Variants in ABCA12 observed in about 807,000 individuals in gnomAD.
ABCA12 encodes the protein ATP binding cassette subfamily A member 12, also known as glucosylceramide transporter ABCA12.
ABCA12 carries 156 observed loss-of-function variants against 293.5 expected under a neutral mutation model. That is an observed-to-expected ratio of 0.53 (90% CI 0.47 to 0.61). The LOEUF is 0.61. ABCA12 is among the 20% of genes least tolerant of loss of function. The pLI is 0.00. For synonymous variants in ABCA12, 1,063 were observed against 1,108.0 expected, an observed-to-expected ratio of 0.96 and a Z score of 0.81; for missense variants, 2,797 against 3,090.2, an observed-to-expected ratio of 0.91 and a Z score of 2.25.
At chr2:215,115,754 A>C (rs1456437615) in intron 1 of ABCA12, among the ~76,000 whole-genome samples, 2 of 152,172 alleles carry the variant, frequency 1.3e-5, no homozygotes, top group African/African-American at 4.8e-5. Flanking sequence ...TGAAAAATTC[A>C]ATCCAAAAGT....
intron 2 of ABCA12, among the ~76,000 whole-genome samples, chr2:215,072,913 G>T (rs1701764754): frequency 6.6e-6 from 1 of 152,162 alleles, no homozygotes; most frequent in Non-Finnish European, 1.5e-5. Flanking sequence ...TGGCCAACAT[G>T]GTGAAACCCT....
intron 1 of ABCA12, among the ~76,000 whole-genome samples, chr2:215,128,108 G>A (rs1702966600): frequency 6.6e-6 from 1 of 152,120 alleles, no homozygotes; most frequent in South Asian, 2.1e-4. Context: ...TATTTGATGA[G>A]GCTATAAAGA....
intron 1 of ABCA12, among the ~76,000 whole-genome samples, chr2:215,112,316 C>T (rs955913188): frequency 5.3e-5 from 8 of 150,310 alleles, no homozygotes; most frequent in African/African-American, 1.7e-4. Flanking sequence ...ATAGAACTTA[C>T]ACCGTTATAG....
Position 215,049,641 on chromosome 2 carries a change from G to C in ABCA12, c.678C>G (p.Asn226Lys). Residue 226 changes from asparagine to lysine, a missense_variant, in exon 6 of 53, where the codon AAC becomes AAG. Physicochemically the swap from Asn to Lys is moderately conservative, Grantham distance 94 (BLOSUM62 0). This residue lies in a region of ABCA12 where 656 missense variants were observed against 638.2 expected (regional missense o/e 1.03). Transcript: ENST00000272895. ...TLLESSLQEL[N>K]KQFSQLSSDP... ...CTACACTCACCTGGGAGAACTGTTT[G>C]TTTAGTTCTTGGAGAGAAGACTCTA... The C allele has an allele frequency of 6.2e-7, 1 of 1,613,270 alleles. No individual in the cohort carries two copies.
chr2:215,025,639 T>G, intron 11 of ABCA12, 34 bp downstream of exon 11: 1 of 1,344,148 alleles, frequency 7.4e-7, no homozygotes. Context: ...TTTTTTTTTT[T>G]GTTTTTTGTT....
intron 2 of ABCA12, among the ~76,000 whole-genome samples, chr2:215,064,474 C>T (rs1280669889): frequency 6.6e-6 from 1 of 151,970 alleles, no homozygotes; most frequent in African/African-American, 2.4e-5. Context: ...CCCATGAATT[C>T]CCTTCCTGGG....
chr2:215,041,186 T>C (rs1339273442), intron 7 of ABCA12, among the ~76,000 whole-genome samples: 1 of 152,212 alleles, frequency 6.6e-6, no homozygotes, highest in East Asian at 1.9e-4. Context: ...TATATACAAT[T>C]TTTGTCAGTT....
At position 214,983,744 on chromosome 2, in the gene ABCA12, A is replaced by G; in HGVS notation, c.4285T>C (p.Leu1429=). The part of the protein sequence containing the change: ...NMGVCMQHDV[L]FSYLTTKEHL... ...TCCTTAGTAGTGAGGTAACTGAACA[A>G]GACGTCGTGCTGCATACAGACTCCC... Residue 1429 remains leucine (L), a synonymous_variant, in exon 29 of 53, where the codon TTG becomes CTG. Coordinates refer to ENST00000272895, the MANE Select transcript of ABCA12 (RefSeq NM_173076.3). 6.2e-7 allele frequency: 1 copy of G among 1,614,116 alleles called. No homozygotes were observed. The highest frequency in any genetic ancestry group is 8.5e-7 in the Non-Finnish European group (1 of 1,179,988).
chr2:214,992,461 T>C (rs909612877), intron 23 of ABCA12, among the ~76,000 whole-genome samples: 1 of 3,610 alleles, frequency 2.8e-4, no homozygotes, highest in Non-Finnish European at 6.0e-4. Flanking sequence ...AAAAAAAAAA[T>C]GAAAAAAAAA....
At chr2:214,997,627 T>TA in intron 23 of ABCA12, 68 bp downstream of exon 23, 1 of 1,181,786 alleles carries the variant, frequency 8.5e-7, no homozygotes, top group Non-Finnish European at 1.2e-6. Flanking sequence ...TATAAAGGCA[T>TA]GATGAAAATC....
chr2:214,946,252 A>G (rs1356469281), intron 48 of ABCA12, among the ~76,000 whole-genome samples: 7 of 152,106 alleles, frequency 4.6e-5, no homozygotes, highest in Non-Finnish European at 1.0e-4. Context: ...AAAAATAAAG[A>G]AATTAGTGTT....
intron 51 of ABCA12, among the ~76,000 whole-genome samples, chr2:214,936,328 G>T (rs921740044): frequency 6.6e-6 from 1 of 152,068 alleles, no homozygotes; most frequent in African/African-American, 2.4e-5. Context: ...ATCCACTGGA[G>T]GTCTTGGAAT....
intron 1 of ABCA12, among the ~76,000 whole-genome samples, chr2:215,124,670 A>T (rs576274028): frequency 6.6e-6 from 1 of 151,982 alleles, no homozygotes; most frequent in South Asian, 2.1e-4. Flanking sequence ...TTTCTTGCTG[A>T]TCAATTTGAG....
intron 1 of ABCA12, among the ~76,000 whole-genome samples, chr2:215,123,504 G>A (rs776200600): frequency 4.6e-5 from 7 of 152,244 alleles, no homozygotes; most frequent in South Asian, 2.1e-4. Context: ...AACTGTTGGC[G>A]GACACTTAGG....
At chr2:214,988,450 T>C (rs1002984332) in intron 26 of ABCA12, among the ~76,000 whole-genome samples, 1 of 152,218 alleles carries the variant, frequency 6.6e-6, no homozygotes, top group Non-Finnish European at 1.5e-5. Context: ...CAGGCAATCA[T>C]TGATCTGCCT....
rs778466364 is a variant in ABCA12, at chr2:215,011,541, G to A, written c.2230C>T (p.Pro744Ser). ...ITTEYLTAML[P>S]SSQRPKGNHT... ...TTGCCTTTTGGCCTCTGGGAAGAGG[G>A]CAGCATGGCAGTTAAATATTCAGTG... The change falls in exon 17 of 53, where the codon CCC becomes TCC. Residue 744 changes from proline (P) to serine (S), a missense_variant. Transcript: ENST00000272895. 4 of 1,613,988 alleles carry A rather than the reference G, an allele frequency of 2.5e-6. No homozygotes were observed. The East Asian group carries it at 8.9e-5, about 36-fold the overall frequency.
In ABCA12 at chr2:214,966,950, A is replaced by G. The variant is rs767463595; in HGVS notation, c.5782T>C (p.Trp1928Arg). ...VPANRTLAKV[W>R]YDPEGYHSLP... is the part of the protein sequence containing the mutation. ...GAGTGATAGCCTTCTGGATCATACCATACCTATTAAATTCCAAAAGAAGGC... is the reference window on the plus strand; with the variant it reads ...GAGTGATAGCCTTCTGGATCATACCGTACCTATTAAATTCCAAAAGAAGGC... Residue 1928 changes from tryptophan to arginine, a missense_variant, in exon 39 of 53, where the codon TGG becomes CGG. Around this residue, in one of 3 missense-constraint regions of ABCA12, gnomAD observed 2,130 missense variants for 2,427.0 expected, o/e 0.88. Coordinates refer to ENST00000272895, the MANE Select transcript of ABCA12 (RefSeq NM_173076.3). 1 of 1,613,096 alleles carries G rather than the reference A, an allele frequency of 6.2e-7. No homozygotes were observed. The highest frequency in any genetic ancestry group is 8.5e-7 in the Non-Finnish European group (1 of 1,179,176).
At chr2:214,960,499 A>G (rs1335242708) in intron 39 of ABCA12, 1 of 152,276 alleles carries the variant, frequency 6.6e-6, no homozygotes, top group African/African-American at 2.4e-5. Context: ...TAGCTGAAAG[A>G]TCAAGGAAAT....
chr2:214,966,498 AT>A (rs1466080368), intron 39 of ABCA12, among the ~76,000 whole-genome samples: 2 of 152,214 alleles, frequency 1.3e-5, no homozygotes, highest in Non-Finnish European at 2.9e-5. Context: ...TGTGAACAGT[AT>A]TTGTAAACAT....
Sources: gnomAD v4.1 joint callset for allele counts (sites outside exome capture counted in the v4.1 genomes callset) on GRCh38, gnomAD v4.1.1 for gene constraint, gnomAD v4.1.1 regional missense constraint, MANE v1.5 for transcripts, NCBI Gene and HGNC (gene_info 2026-07-23, HGNC 2026-07-21) for gene names.